LINC00632: variants seen among roughly 807,000 people sequenced by gnomAD.
The protein encoded by LINC00632 is long independently transcribed non-coding RNA 632.
At chrX:140,739,961 C>T (rs1376353389) in intron 3 of LINC00632, among the ~76,000 whole-genome samples, 1 of 112,321 alleles carries the variant, frequency 8.9e-6, no homozygotes, top group Non-Finnish European at 1.9e-5. Context: ...ATCGTATTTA[C>T]AAAACTTAAA....
At chrX:140,739,130 G>A (rs1931187292) in intron 3 of LINC00632, among the ~76,000 whole-genome samples, 1 of 111,619 alleles carries the variant, frequency 9.0e-6, no homozygotes, top group Admixed American at 9.5e-5. Flanking sequence ...CTTCTTGGTG[G>A]TTACATGTGA....
At chrX:140,787,979 A>G (rs978472666) in exon 5 of LINC00632, among the ~76,000 whole-genome samples, 14 of 110,751 alleles carry the variant, frequency 1.3e-4, no homozygotes, top group Non-Finnish European at 9.5e-5. Context: ...ACAGCTACAC[A>G]TAACAATATG....
At chrX:140,730,066 G>A (rs754450013) in intron 2 of LINC00632, among the ~76,000 whole-genome samples, 3 of 109,779 alleles carry the variant, frequency 2.7e-5, no homozygotes, top group Non-Finnish European at 5.7e-5. Context: ...TAGTAGAGAC[G>A]GGGTTTTACC....
chrX:140,737,612 C>G (rs1479500972), intron 3 of LINC00632, among the ~76,000 whole-genome samples: 1 of 111,818 alleles, frequency 8.9e-6, no homozygotes, highest in African/African-American at 3.3e-5. Flanking sequence ...CTCTTCATCC[C>G]TCCCCTCCTG....
At chrX:140,747,454 C>T (rs756109967) in intron 3 of LINC00632, among the ~76,000 whole-genome samples, 7 of 102,635 alleles carry the variant, frequency 6.8e-5, no homozygotes, top group South Asian at 9.8e-4. Flanking sequence ...CGCTTGAACC[C>T]GGGAGAAGGA....
chrX:140,788,323 C>T (rs1297751648), exon 5 of LINC00632, among the ~76,000 whole-genome samples: 3 of 109,904 alleles, frequency 2.7e-5, no homozygotes, highest in African/African-American at 6.6e-5. Context: ...TTATTATTAA[C>T]ATTAAATAAA....
chrX:140,783,762 C>A, exon 5 of LINC00632: 1 of 1,208,943 alleles, frequency 8.3e-7, no homozygotes, highest in Non-Finnish European at 1.1e-6. Flanking sequence ...GGTCTTCCAG[C>A]CAATATATGT....
chrX:140,756,532 G>A (rs1183920424), intron 3 of LINC00632, among the ~76,000 whole-genome samples: 1 of 111,403 alleles, frequency 9.0e-6, no homozygotes, highest in Non-Finnish European at 1.9e-5. Flanking sequence ...CAAGTGTATC[G>A]GGACGGAGTG....
chrX:140,718,929 G>A (rs756204700), intron 2 of LINC00632, among the ~76,000 whole-genome samples: 160 of 111,237 alleles, frequency 1.4e-3, no homozygotes, highest in African/African-American at 5.0e-3. Flanking sequence ...ACACCACATT[G>A]GCTCCACAAC....
At chrX:140,788,397 A>G (rs1032730358) in exon 5 of LINC00632, among the ~76,000 whole-genome samples, 1 of 110,532 alleles carries the variant, frequency 9.0e-6, no homozygotes, top group South Asian at 3.8e-4. Context: ...ACTGTGCACA[A>G]TCTAAGGATT....
exon 5 of LINC00632, among the ~76,000 whole-genome samples, chrX:140,776,455 CAG>C (rs1298180182): frequency 8.8e-6 from 1 of 113,002 alleles, no homozygotes; most frequent in Non-Finnish European, 1.9e-5. Flanking sequence ...CCTGCGTGCT[CAG>C]GGGGCCGTTG....
intron 2 of LINC00632, among the ~76,000 whole-genome samples, chrX:140,715,625 A>G (rs1251018177): frequency 2.7e-5 from 3 of 111,172 alleles, no homozygotes; most frequent in South Asian, 3.9e-4. Context: ...AGAAACAAAC[A>G]AGAAAACAAC....
At chrX:140,765,896 TAAGAGG>T (rs1477095992) in intron 3 of LINC00632, among the ~76,000 whole-genome samples, 1 of 111,752 alleles carries the variant, frequency 8.9e-6, no homozygotes, top group Non-Finnish European at 1.9e-5. Context: ...AAAAATGAGG[TAAGAGG>T]AAGATCTGTA....
At chrX:140,724,258 CAG>C (rs776098016) in intron 2 of LINC00632, among the ~76,000 whole-genome samples, 132 of 43,798 alleles carry the variant, frequency 3.0e-3, no homozygotes, top group Non-Finnish European at 5.1e-3. Context: ...TACACATACA[CAG>C]ACACATTCTG....
chrX:140,723,633 A>T (rs868700023), intron 2 of LINC00632, among the ~76,000 whole-genome samples: 1 of 59,508 alleles, frequency 1.7e-5, no homozygotes, highest in African/African-American at 5.5e-5. Flanking sequence ...CATTCCATAC[A>T]CACACACATT....
intron 3 of LINC00632, among the ~76,000 whole-genome samples, chrX:140,743,224 C>CAAAAAAAAAAAAAAAAAAAAAAAAAAAA (rs58322122): frequency 2.3e-5 from 1 of 44,355 alleles, no homozygotes; most frequent in African/African-American, 1.6e-4. Context: ...AACGCTGTCT[C>CAAAAAAAAAAAAAAAAAAAAAAAAAAAA]AAAAAAAAAA....
chrX:140,711,170 A>T (rs758153448), intron 1 of LINC00632, among the ~76,000 whole-genome samples: 1 of 111,667 alleles, frequency 9.0e-6, no homozygotes, highest in East Asian at 2.8e-4. Flanking sequence ...ACTTACTAAA[A>T]TATTAAAAAT....
intron 3 of LINC00632, among the ~76,000 whole-genome samples, chrX:140,750,460 CATATGTA>C (rs1189821763): frequency 1.8e-5 from 2 of 110,571 alleles, no homozygotes; most frequent in East Asian, 2.8e-4. Flanking sequence ...AATTAGTTAA[CATATGTA>C]ATATGTAATA....
exon 5 of LINC00632, among the ~76,000 whole-genome samples, chrX:140,779,061 T>A (rs1487734793): frequency 8.9e-6 from 1 of 111,886 alleles, no homozygotes; most frequent in South Asian, 3.7e-4. Flanking sequence ...CACTGCCATG[T>A]AAATGGGTGT....
Sources: gnomAD v4.1 joint callset for allele counts (sites outside exome capture counted in the v4.1 genomes callset) on GRCh38, gnomAD v4.1.1 for gene constraint, MANE v1.5 for transcripts, NCBI Gene and HGNC (gene_info 2026-07-23, HGNC 2026-07-21) for gene names.